The following CCDC66 variants were observed in gnomAD, a reference collection of about 807,000 sequenced individuals.
CCDC66 encodes the protein coiled-coil domain-containing protein 66.
CCDC66 carries 133 observed loss-of-function variants against 128.3 expected under a neutral mutation model. The ratio of observed to expected loss-of-function variants is 1.04; its 90% confidence interval spans 0.90 to 1.20. The LOEUF (loss-of-function observed/expected upper bound fraction) is 1.20, where lower values mean the gene tolerates loss of function less well. CCDC66 is among the 50% of genes most tolerant of loss of function. CCDC66 has a pLI of 0.00. For missense variants in CCDC66, 1,126 were observed against 1,075.5 expected, an observed-to-expected ratio of 1.05 and a Z score of -0.66; for synonymous variants, 387 against 357.0, an observed-to-expected ratio of 1.08 and a Z score of -0.95.
intron 10 of CCDC66, among the ~76,000 whole-genome samples, chr3:56,608,495 G>A (rs1409713225): frequency 6.6e-6 from 1 of 151,722 alleles, no homozygotes; most frequent in Non-Finnish European, 1.5e-5. Context: ...TTCTTAGTGA[G>A]GTGTTTGGAT....
rs754730243 is a variant in CCDC66 at position 56,566,592 on chromosome 3, A to G, written c.545-2A>G. ...TTTTAAAACATGTATTTTACCTCCT[A>G]GGTCAATATAGTCTATATTTAAACA... On this transcript the variant is annotated splice_acceptor_variant, in intron 4 of 17. Coordinates refer to ENST00000394672, the MANE Select transcript of CCDC66 (RefSeq NM_001141947.3). LOFTEE classifies it high-confidence loss of function. 6.5e-7 allele frequency: 1 copy of G among 1,537,000 alleles called. No homozygotes were observed. Among genetic ancestry groups the G allele is most frequent in the Admixed American group, 1.7e-5 (1 of 57,504 alleles).
rs985283685 is a variant in CCDC66 at position 56,576,262 on chromosome 3, C to T, written c.936+4960C>T. 2.7e-5 allele frequency among the ~76,000 whole-genome samples: 4 copies of T among 148,856 alleles called. 1 individual carries two copies. The highest frequency in any genetic ancestry group is 1.4e-4 in the Admixed American group (2 of 14,784). ...CTTACTCCTCCTTGGTTAAGTTTTTCTTTTTAATTTTTTAAATTTTTTTTG... is the reference window on the plus strand; with the variant it reads ...CTTACTCCTCCTTGGTTAAGTTTTTTTTTTTAATTTTTTAAATTTTTTTTG... On this transcript the variant is annotated intron_variant, in intron 7 of 17. Coordinates refer to ENST00000394672, the MANE Select transcript of CCDC66 (RefSeq NM_001141947.3).
chr3:56,572,296 C>T (rs1376270332), intron 7 of CCDC66: 7 of 1,160,520 alleles, frequency 6.0e-6, no homozygotes, highest in Non-Finnish European at 6.9e-6. Context: ...GGTAAAGAAA[C>T]AGTGTCACTG....
intron 4 of CCDC66, among the ~76,000 whole-genome samples, chr3:56,564,853 C>T (rs1174779865): frequency 3.9e-5 from 6 of 152,148 alleles, no homozygotes; most frequent in Admixed American, 2.6e-4. Context: ...TGAATATTCC[C>T]GTGATACTCA....
At chr3:56,601,751 C>G (rs966710832) in intron 10 of CCDC66, among the ~76,000 whole-genome samples, 2 of 151,960 alleles carry the variant, frequency 1.3e-5, no homozygotes, top group Admixed American at 1.3e-4. Context: ...AATGGGAGTT[C>G]ACTCATGATT....
intron 7 of CCDC66, among the ~76,000 whole-genome samples, chr3:56,578,642 C>T (rs1281574906): frequency 6.6e-6 from 1 of 151,648 alleles, no homozygotes; most frequent in Non-Finnish European, 1.5e-5. Flanking sequence ...TTGTTGAAGG[C>T]CTTTTGTGCA....
At chr3:56,620,787 A>G (rs974873683) in intron 17 of CCDC66, 1 of 152,230 alleles carries the variant, frequency 6.6e-6, no homozygotes, top group East Asian at 1.9e-4. Flanking sequence ...ACCCATCAAT[A>G]TAGCACCCAG....
intron 3 of CCDC66, among the ~76,000 whole-genome samples, chr3:56,562,500 T>TA (rs1214045089): frequency 1.3e-5 from 2 of 152,212 alleles, no homozygotes; most frequent in Non-Finnish European, 2.9e-5. Context: ...CTAAAACTCT[T>TA]ACACTTAAAA....
intron 7 of CCDC66, chr3:56,572,769 G>A (rs1374555165): frequency 1.3e-5 from 2 of 154,202 alleles, no homozygotes; most frequent in African/African-American, 4.8e-5. Context: ...GCTTCATGTA[G>A]AGCTGACTTG....
intron 17 of CCDC66, chr3:56,621,270 T>TTAC (rs1364679001): frequency 3.7e-6 from 1 of 272,122 alleles, no homozygotes; most frequent in African/African-American, 2.2e-5. Context: ...ATGACTTCAT[T>TTAC]TACCCCCATA....
intron 1 of CCDC66, 110 bp downstream of exon 1, chr3:56,557,363 CA>C: frequency 2.8e-6 from 4 of 1,405,182 alleles, no homozygotes; most frequent in Non-Finnish European, 2.9e-6. Context: ...AGAACGTTCC[CA>C]ACCTGCGCCG....
intron 3 of CCDC66, among the ~76,000 whole-genome samples, chr3:56,562,790 C>T (rs1398817066): frequency 2.6e-5 from 4 of 151,530 alleles, no homozygotes; most frequent in Non-Finnish European, 5.9e-5. Context: ...AGGAGCCCAC[C>T]ACCACGCCCA....
intron 4 of CCDC66, among the ~76,000 whole-genome samples, chr3:56,566,055 A>G (rs1429101186): frequency 6.6e-6 from 1 of 152,164 alleles, no homozygotes; most frequent in Non-Finnish European, 1.5e-5. Flanking sequence ...GATATAAGAA[A>G]TTGTATGGCT....
At position 56,618,162 on chromosome 3, in the gene CCDC66, CATATTTTAGGA is replaced by C. The variant is rs1559781646; in HGVS notation, c.2338-8_2340del. The C allele has an allele frequency of 6.2e-7, 1 of 1,604,798 alleles. No individual in the cohort carries two copies. The highest frequency in any genetic ancestry group is 2.2e-5 in the East Asian group (1 of 44,832). ...ATATTCCTTTCTGCATTTATCTATC[CATATTTTAGGA>C]AGAAGAGCCTCTGAATATTCATTCA... On this transcript the variant is annotated splice_acceptor_variant and splice_polypyrimidine_tract_variant and coding_sequence_variant and intron_variant, in exon 15 of 18. Transcript: ENST00000394672. LOFTEE classifies it high-confidence loss of function.
Position 56,617,547 on chromosome 3 carries a change from T to G in CCDC66, c.2279T>G (p.Ile760Ser). Residue 760 changes from isoleucine to serine, a missense_variant, in exon 14 of 18, where the codon ATT (isoleucine) becomes AGT (serine). Ile to Ser is a moderately radical substitution (Grantham distance 142). Transcript: ENST00000394672. ...LSQNRGISPE[I>S]FHSSHQETES... ...CAAAACAGAGGCATTTCACCAGAAA[T>G]TTTTCATTCATCTCATCAAGAAACG... 3 of 1,609,966 alleles carry G rather than the reference T, an allele frequency of 1.9e-6. No individual in the cohort carries two copies. The highest frequency in any genetic ancestry group is 2.5e-6 in the Non-Finnish European group (3 of 1,179,094).
intron 10 of CCDC66, among the ~76,000 whole-genome samples, chr3:56,596,669 A>G (rs2071991415): frequency 6.6e-6 from 1 of 151,506 alleles, no homozygotes; most frequent in African/African-American, 2.4e-5. Context: ...CACAAACTCT[A>G]TACCAGTGTC....
chr3:56,578,210 C>T (rs141924442), intron 7 of CCDC66, among the ~76,000 whole-genome samples: 1,846 of 151,060 alleles, frequency 0.012, 48 homozygotes, highest in African/African-American at 0.042. Flanking sequence ...TGATTTGGCT[C>T]TCTGTTCTTG....
intron 10 of CCDC66, among the ~76,000 whole-genome samples, chr3:56,610,577 G>A (rs151158128): frequency 0.026 from 3,920 of 152,216 alleles, 94 homozygotes; most frequent in African/African-American, 0.06. Context: ...GGTAAATCAG[G>A]GATTTCTTTT....
intron 3 of CCDC66, chr3:56,561,469 A>ATT: frequency 2.6e-5 from 8 of 309,896 alleles, no homozygotes; most frequent in South Asian, 2.0e-4. Context: ...GTGTTTTAGA[A>ATT]TTTTTTTTTT....
Sources: gnomAD v4.1 joint callset for allele counts (sites outside exome capture counted in the v4.1 genomes callset) on GRCh38, gnomAD v4.1.1 for gene constraint, MANE v1.5 for transcripts, NCBI Gene and HGNC (gene_info 2026-07-23, HGNC 2026-07-21) for gene names.